Variants in SLCO1B3 observed in about 807,000 individuals in gnomAD.
SLCO1B3 encodes the protein liver-specific organic anion transporter 2.
Under a neutral mutation model 71.8 loss-of-function variants are expected in SLCO1B3, and 72 were observed. The observed-to-expected ratio is 1.00, with a 90% CI of 0.83 to 1.22. The LOEUF (loss-of-function observed/expected upper bound fraction) is 1.22. Among genes scored for constraint, SLCO1B3 ranks in the 50% most tolerant of loss-of-function variants. SLCO1B3 has a pLI of 0.00. For synonymous variants in SLCO1B3, 298 were observed against 278.4 expected, an observed-to-expected ratio of 1.07 and a Z score of -0.70; for missense variants, 911 against 819.7, an observed-to-expected ratio of 1.11 and a Z score of -1.36.
chr12:20,889,268 G>A (rs1248479854), intron 13 of SLCO1B3, among the ~76,000 whole-genome samples: 1 of 152,002 alleles, frequency 6.6e-6, no homozygotes, highest in South Asian at 2.1e-4. Context: ...AGTTTTAGTA[G>A]AGTTGGTATC....
chr12:20,834,623 G>A (rs1261141362), intron 3 of SLCO1B3, among the ~76,000 whole-genome samples: 2 of 151,696 alleles, frequency 1.3e-5, no homozygotes, highest in African/African-American at 2.4e-5. Flanking sequence ...GTTCTCTCTG[G>A]CAAACATCAG....
At chr12:20,887,099 A>T (rs182893043) in intron 13 of SLCO1B3, among the ~76,000 whole-genome samples, 37 of 152,214 alleles carry the variant, frequency 2.4e-4, no homozygotes, top group African/African-American at 8.4e-4. Context: ...TATATACAAA[A>T]TTTTTAATCT....
intron 3 of SLCO1B3, among the ~76,000 whole-genome samples, chr12:20,817,804 A>T (rs910629332): frequency 3.3e-5 from 5 of 151,660 alleles, no homozygotes; most frequent in African/African-American, 1.2e-4. Flanking sequence ...GTTAGCCAGG[A>T]TGGTCTCGAT....
intron 13 of SLCO1B3, among the ~76,000 whole-genome samples, chr12:20,896,793 A>T (rs1866015953): frequency 6.6e-6 from 1 of 152,160 alleles, no homozygotes; most frequent in Non-Finnish European, 1.5e-5. Context: ...CGCTGCTGAT[A>T]AAGACATACC....
chr12:20,820,317 C>A (rs968742759), intron 3 of SLCO1B3, among the ~76,000 whole-genome samples: 7 of 152,154 alleles, frequency 4.6e-5, no homozygotes, highest in African/African-American at 1.7e-4. Context: ...GAGCCTTGGG[C>A]CAGAGTTCCA....
chr12:20,908,271 A>C (rs1460613467), intron 15 of SLCO1B3, among the ~76,000 whole-genome samples: 1 of 152,226 alleles, frequency 6.6e-6, no homozygotes, highest in East Asian at 1.9e-4. Flanking sequence ...GAAAGCACAG[A>C]GATTTCCCAT....
intron 3 of SLCO1B3, among the ~76,000 whole-genome samples, chr12:20,835,402 A>G (rs951075892): frequency 6.6e-6 from 1 of 152,002 alleles, no homozygotes; most frequent in African/African-American, 2.4e-5. Flanking sequence ...TTCCTACTGC[A>G]TTGCCAGGCT....
At chr12:20,821,866 A>C (rs1250069998) in intron 3 of SLCO1B3, among the ~76,000 whole-genome samples, 3 of 152,218 alleles carry the variant, frequency 2.0e-5, no homozygotes, top group African/African-American at 7.2e-5. Flanking sequence ...CGTGACCGGC[A>C]CCGGAGTTTT....
At chr12:20,862,989 C>A in intron 8 of SLCO1B3, 135 bp downstream of exon 8, 1 of 460,236 alleles carries the variant, frequency 2.2e-6, no homozygotes. Context: ...GAAATAAATC[C>A]ATTAATAATC....
At chr12:20,824,453 G>T (rs9971933) in intron 3 of SLCO1B3, among the ~76,000 whole-genome samples, 80,567 of 151,920 alleles carry the variant, frequency 0.53, 22,019 homozygotes, top group East Asian at 0.74. Flanking sequence ...TTCAATAGCA[G>T]ATTACAAACT....
At chr12:20,820,222 C>T (rs959106368) in intron 3 of SLCO1B3, among the ~76,000 whole-genome samples, 39 of 151,990 alleles carry the variant, frequency 2.6e-4, no homozygotes, top group Non-Finnish European at 3.5e-4. Flanking sequence ...ACCTAAAGCT[C>T]GGCGTCCGTG....
chr12:20,813,929 A>G (rs1040238046), intron 2 of SLCO1B3, among the ~76,000 whole-genome samples: 8 of 152,192 alleles, frequency 5.3e-5, no homozygotes, highest in Non-Finnish European at 1.2e-4. Flanking sequence ...AACCTATATC[A>G]TACATATTAT....
Position 20,883,471 on chromosome 12 carries a change from C to T in SLCO1B3, c.1551C>T (p.Tyr517=), listed in dbSNP as rs367949187. ...VEVTGLQNRN[Y]SAHLGECPRD... is the part of the protein sequence containing the mutation. ...TAACTGGTCTCCAGAACAGAAATTA[C>T]TCAGCACACTTGGGTGAATGCCCAA... is the stretch of plus-strand genomic sequence containing the variant. The change falls in exon 13 of 16, where the codon TAC becomes TAT. Residue 517 remains tyrosine (Y), a synonymous_variant. Transcript: ENST00000381545. 1 of 1,592,434 alleles carries T rather than the reference C, an allele frequency of 6.3e-7. No homozygotes were observed. The highest frequency in any genetic ancestry group is 8.5e-7 in the Non-Finnish European group (1 of 1,170,714).
chr12:20,911,281 G>A (rs906799086), intron 15 of SLCO1B3, among the ~76,000 whole-genome samples: 1 of 152,080 alleles, frequency 6.6e-6, no homozygotes, highest in Non-Finnish European at 1.5e-5. Flanking sequence ...GACCAGTCTT[G>A]TAAACCTGAA....
chr12:20,882,238 C>T (rs1181674017), intron 12 of SLCO1B3, among the ~76,000 whole-genome samples: 1 of 152,112 alleles, frequency 6.6e-6, no homozygotes, highest in Non-Finnish European at 1.5e-5. Context: ...TGCAAAGTTC[C>T]TTTACTAAAT....
At position 20,828,833 on chromosome 12, in the gene SLCO1B3, C is replaced by A. The variant is rs1864483035; in HGVS notation, c.84+13011C>A. On this transcript the variant is annotated intron_variant, in intron 3 of 15. Transcript: ENST00000381545. ...AAAAGATTGGATTTAGGAACCAAAC[C>A]CAGGCTGTCATGGTGAAAAAAGGGC... is the stretch of plus-strand genomic sequence containing the variant. Among the ~76,000 whole-genome samples, 4 of 152,080 alleles carry A rather than the reference C, an allele frequency of 2.6e-5. 1 individual carries two copies. In the South Asian group the frequency reaches 8.3e-4, roughly 32 times the overall value.
At chr12:20,835,018 C>A (rs1429611947) in intron 3 of SLCO1B3, among the ~76,000 whole-genome samples, 1 of 152,152 alleles carries the variant, frequency 6.6e-6, no homozygotes, top group African/African-American at 2.4e-5. Flanking sequence ...GTGGAGGTTC[C>A]CAAACTTCAC....
chr12:20,841,472 C>A lies in SLCO1B3; in HGVS notation c.85-13556C>A, dbSNP rs554924863. Among the ~76,000 whole-genome samples, 17 of 151,032 alleles carry A rather than the reference C, an allele frequency of 1.1e-4. No homozygotes were observed. In the South Asian group the frequency reaches 3.6e-3, roughly 32 times the overall value. ...GATTTGCCCCAAATATGTAGGGATTCTTATTTAAAAATGTTTTCTACCATT... is the reference window on the plus strand; with the variant it reads ...GATTTGCCCCAAATATGTAGGGATTATTATTTAAAAATGTTTTCTACCATT... On this transcript the variant is annotated intron_variant, in intron 3 of 15. Transcript: ENST00000381545.
intron 3 of SLCO1B3, among the ~76,000 whole-genome samples, chr12:20,825,151 T>C (rs986566645): frequency 6.6e-6 from 1 of 152,210 alleles, no homozygotes; most frequent in Non-Finnish European, 1.5e-5. Context: ...AATGTTTTTT[T>C]AAATTAAAAA....
Sources: allele counts gnomAD v4.1 joint callset (sites outside exome capture counted in the v4.1 genomes callset), GRCh38; gene constraint gnomAD v4.1.1; transcripts MANE v1.5; gene names NCBI Gene and HGNC (gene_info 2026-07-23, HGNC 2026-07-21).